Variants in NEXN observed in about 807,000 individuals in gnomAD.
NEXN encodes the protein nexilin F-actin binding protein.
NEXN carries 65 observed loss-of-function variants against 92.6 expected under a neutral mutation model. That is an observed-to-expected ratio of 0.70 (90% CI 0.57 to 0.86). The LOEUF (loss-of-function observed/expected upper bound fraction) is 0.86, where lower values mean the gene tolerates loss of function less well. NEXN is among the 40% of genes least tolerant of loss of function. The pLI is 0.00. For missense variants in NEXN, 778 were observed against 771.1 expected (o/e 1.01, Z -0.11); for synonymous variants, 254 against 242.5 (o/e 1.05, Z -0.44).
intron 1 of NEXN, among the ~76,000 whole-genome samples, chr1:77,909,413 T>G (rs1181243843): frequency 6.6e-6 from 1 of 151,978 alleles, no homozygotes; most frequent in African/African-American, 2.4e-5. Context: ...AGGGCAAAAC[T>G]TCATCTCAAT....
intron 11 of NEXN, among the ~76,000 whole-genome samples, chr1:77,938,731 G>A (rs566721703): frequency 2.6e-5 from 4 of 151,964 alleles, no homozygotes; most frequent in Non-Finnish European, 4.4e-5. Context: ...CCAAGAAGGT[G>A]ACATTTAAGG....
chr1:77,916,773 A>G (rs1649008301), intron 2 of NEXN, among the ~76,000 whole-genome samples: 1 of 152,172 alleles, frequency 6.6e-6, no homozygotes, highest in South Asian at 2.1e-4. Flanking sequence ...TCATTTAGAA[A>G]TCAGCTTAAT....
intron 1 of NEXN, among the ~76,000 whole-genome samples, chr1:77,907,139 A>G (rs915320912): frequency 9.9e-5 from 15 of 152,224 alleles, no homozygotes; most frequent in African/African-American, 3.1e-4. Context: ...TATTAGTGAA[A>G]TAGTGGGTTT....
intron 1 of NEXN, among the ~76,000 whole-genome samples, chr1:77,891,420 G>A (rs947555558): frequency 6.6e-5 from 10 of 152,052 alleles, no homozygotes; most frequent in Non-Finnish European, 1.5e-4. Context: ...CTGCCATCCA[G>A]TAAGTGCTCA....
Position 77,933,265 on chromosome 1 carries a change from A to G in NEXN, c.1054-17A>G, listed in dbSNP as rs1310039613. 1 of 1,462,680 alleles carries G rather than the reference A, an allele frequency of 6.8e-7. No homozygotes were observed. Among genetic ancestry groups the G allele is most frequent in the African/African-American group, 1.4e-5 (1 of 71,314 alleles). The allele number at this position is 1,462,680 out of a possible 1,614,324, so 90.6% of individuals were successfully genotyped here. A position where few individuals can be genotyped will look rare whatever the true frequency, so the allele number is the denominator to read the frequency against. The stretch of plus-strand genomic sequence containing the variant: ...GTGTAATTCTGGCCAGAGTGATAAA[A>G]TAATTATTTTAAATAGGTAGTAGAT... On this transcript the variant is annotated splice_polypyrimidine_tract_variant and intron_variant, in intron 9 of 12. Transcript: ENST00000334785.
rs1192146913 is a variant in NEXN at position 77,942,180 on chromosome 1, A to G, written c.1631A>G (p.Gln544Arg). ...EQKLLRMQFE[Q>R]REIDAALQKK... ...AAGTTACTACGCATGCAGTTTGAAC[A>G]AAGGGAAATTGATGCAGCACTACAA... The change falls in exon 12 of 13, where the codon CAA becomes CGA. Residue 544 changes from glutamine (Q) to arginine (R), a missense_variant. Physicochemically the swap from Gln to Arg is conservative, Grantham distance 43 (BLOSUM62 1). Transcript: ENST00000334785. The G allele has an allele frequency of 6.2e-7, 1 of 1,613,866 alleles. No individual in the cohort carries two copies. Among genetic ancestry groups the G allele is most frequent in the East Asian group, 2.2e-5 (1 of 44,866 alleles).
intron 11 of NEXN, among the ~76,000 whole-genome samples, chr1:77,936,883 T>C (rs923189658): frequency 9.9e-5 from 15 of 152,196 alleles, no homozygotes; most frequent in African/African-American, 3.6e-4. Context: ...GAAGAAACTG[T>C]GTGCCAATTA....
intron 1 of NEXN, 76 bp from the exon 2 acceptor site, chr1:77,915,976 ACTG>A: frequency 2.6e-6 from 1 of 382,572 alleles, no homozygotes; most frequent in Non-Finnish European, 4.2e-6. Flanking sequence ...GGGGCAATTA[ACTG>A]CTATTTCTAT....
intron 11 of NEXN, among the ~76,000 whole-genome samples, chr1:77,938,931 A>C (rs1651021447): frequency 6.6e-6 from 1 of 152,232 alleles, no homozygotes; most frequent in Admixed American, 6.5e-5. Flanking sequence ...GTGGCTAGTT[A>C]ATGAAAGTCT....
At chr1:77,931,362 A>AAGATCTCG (rs1195252142) in intron 9 of NEXN, among the ~76,000 whole-genome samples, 1 of 139,196 alleles carries the variant, frequency 7.2e-6, no homozygotes, top group Non-Finnish European at 1.5e-5. Flanking sequence ...GCAGTGAGCC[A>AAGATCTCG]AGATCTCGCC....
At chr1:77,899,797 T>C (rs1230583621) in intron 1 of NEXN, among the ~76,000 whole-genome samples, 2 of 152,046 alleles carry the variant, frequency 1.3e-5, no homozygotes, top group African/African-American at 4.8e-5. Flanking sequence ...TAAGAAATAT[T>C]TGTTAAATAA....
intron 1 of NEXN, among the ~76,000 whole-genome samples, chr1:77,897,798 C>A (rs1647353423): frequency 6.6e-6 from 1 of 152,152 alleles, no homozygotes; most frequent in South Asian, 2.1e-4. Flanking sequence ...AGCTGATAAG[C>A]AACTTCAGCA....
chr1:77,934,624 T>C (rs980318494), intron 10 of NEXN, among the ~76,000 whole-genome samples: 1 of 152,342 alleles, frequency 6.6e-6, no homozygotes, highest in Middle Eastern at 3.4e-3. Context: ...TGCCTAACCT[T>C]CTTCCCTCTT....
chr1:77,889,915 C>CATATCTTAGTCACACGTTATTT (rs1177301420), intron 1 of NEXN, among the ~76,000 whole-genome samples: 3 of 152,160 alleles, frequency 2.0e-5, no homozygotes, highest in Non-Finnish European at 4.4e-5. Flanking sequence ...TACTTAAGTT[C>CATATCTTAGTCACACGTTATTT]ATATCTTAGT....
At chr1:77,931,875 C>T (rs1227130875) in intron 9 of NEXN, 1 of 152,198 alleles carries the variant, frequency 6.6e-6, no homozygotes, top group African/African-American at 2.4e-5. Context: ...GTGTGTATTT[C>T]AACCACAGAG....
At position 77,929,372 on chromosome 1, in the gene NEXN, T is replaced by G. The variant is rs1371812693; in HGVS notation, c.921T>G (p.Pro307=). 1.2e-6 allele frequency: 2 copies of G among 1,613,650 alleles called. No homozygotes were observed. The highest frequency in any genetic ancestry group is 3.3e-5 in the Admixed American group (2 of 59,930). The part of the protein sequence containing the change: ...DTAKIFKGYR[P]GKLKLSFEEM... ...CAAAAATTTTTAAAGGGTACCGCCCTGGTAAACTCAAACTCAGTTTTGAAG... is the reference window on the plus strand; with the variant it reads ...CAAAAATTTTTAAAGGGTACCGCCCGGGTAAACTCAAACTCAGTTTTGAAG... The change falls in exon 9 of 13, where the codon CCT becomes CCG. Residue 307 remains proline, a synonymous_variant. Coordinates refer to ENST00000334785, the MANE Select transcript of NEXN (RefSeq NM_144573.4).
intron 1 of NEXN, among the ~76,000 whole-genome samples, chr1:77,895,890 G>T (rs1647228284): frequency 6.6e-6 from 1 of 151,152 alleles, no homozygotes; most frequent in Non-Finnish European, 1.5e-5. Flanking sequence ...AAAGTTGACA[G>T]CCTGGTTGGG....
chr1:77,894,707 T>C (rs1647184633), intron 1 of NEXN, among the ~76,000 whole-genome samples: 2 of 151,784 alleles, frequency 1.3e-5, no homozygotes, highest in African/African-American at 2.4e-5. Flanking sequence ...ACCCAGCCTA[T>C]AGTATACTTT....
intron 9 of NEXN, among the ~76,000 whole-genome samples, chr1:77,929,949 A>C (rs1173548285): frequency 6.6e-6 from 1 of 152,014 alleles, no homozygotes; most frequent in Non-Finnish European, 1.5e-5. Flanking sequence ...ATATTAAATG[A>C]CCTGAGTCAT....
Sources: allele counts gnomAD v4.1 joint callset (sites outside exome capture counted in the v4.1 genomes callset), GRCh38; gene constraint gnomAD v4.1.1; transcripts MANE v1.5; gene names NCBI Gene and HGNC (gene_info 2026-07-23, HGNC 2026-07-21).